Variants in ARB2A observed in about 807,000 individuals in gnomAD.
ARB2A encodes the protein cotranscriptional regulator ARB2A.
the ARB2A span, among the ~76,000 whole-genome samples, chr5:93,624,470 G>A: frequency 5.9e-5 from 9 of 152,108 alleles, no homozygotes; most frequent in Admixed American, 4.6e-4. Context: ...GAATGATTTT[G>A]GTATCATTTA....
chr5:93,952,278 T>C, the ARB2A span, among the ~76,000 whole-genome samples: 9 of 152,232 alleles, frequency 5.9e-5, no homozygotes, highest in African/African-American at 1.7e-4. Flanking sequence ...AGAGCTGTTA[T>C]GAGCAAAAAG....
the ARB2A span, among the ~76,000 whole-genome samples, chr5:94,076,582 A>G: frequency 7.7e-3 from 1,177 of 152,324 alleles, 12 homozygotes; most frequent in South Asian, 0.014. Flanking sequence ...AATTACAATA[A>G]TGTCAAAACA....
chr5:93,732,324 A>G, the ARB2A span, among the ~76,000 whole-genome samples: 1 of 152,232 alleles, frequency 6.6e-6, no homozygotes, highest in Non-Finnish European at 1.5e-5. Flanking sequence ...TTCTTCAAAA[A>G]TGACAAGCAA....
chr5:94,012,738 C>CTGT, the ARB2A span, among the ~76,000 whole-genome samples: 1 of 152,082 alleles, frequency 6.6e-6, no homozygotes, highest in African/African-American at 2.4e-5. Context: ...AATGAAAAGA[C>CTGT]TGTTATCAAG....
chr5:93,942,568 G>A, the ARB2A span, among the ~76,000 whole-genome samples: 12 of 151,646 alleles, frequency 7.9e-5, no homozygotes, highest in African/African-American at 2.7e-4. Context: ...GGAGCTGCTT[G>A]CAGTTTTATA....
chr5:93,697,806 C>A, the ARB2A span, among the ~76,000 whole-genome samples: 1 of 151,980 alleles, frequency 6.6e-6, no homozygotes, highest in Non-Finnish European at 1.5e-5. Flanking sequence ...TAGAATGAAA[C>A]ATATTTTAAT....
chr5:94,058,896 C>T, the ARB2A span, among the ~76,000 whole-genome samples: 1 of 152,078 alleles, frequency 6.6e-6, no homozygotes, highest in Non-Finnish European at 1.5e-5. Flanking sequence ...ATTTCTCACT[C>T]TATGAGTTCC....
At chr5:93,796,690 G>A in the ARB2A span, among the ~76,000 whole-genome samples, 1 of 152,040 alleles carries the variant, frequency 6.6e-6, no homozygotes, top group Non-Finnish European at 1.5e-5. Flanking sequence ...AACTTTTAAG[G>A]GCTGTTTAAA....
At chr5:93,877,866 T>C in the ARB2A span, among the ~76,000 whole-genome samples, 4 of 152,112 alleles carry the variant, frequency 2.6e-5, no homozygotes, top group Admixed American at 2.6e-4. Context: ...ACAAAGTTTG[T>C]ACAGGGTAGA....
chr5:93,793,239 A>AT, the ARB2A span, among the ~76,000 whole-genome samples: 229 of 64,778 alleles, frequency 3.5e-3, 4 homozygotes, highest in African/African-American at 7.3e-3. Flanking sequence ...CTTCTGGCTA[A>AT]TTTTTTTTTT....
At chr5:94,040,078 GA>G in the ARB2A span, among the ~76,000 whole-genome samples, 1 of 152,174 alleles carries the variant, frequency 6.6e-6, no homozygotes, top group Non-Finnish European at 1.5e-5. Context: ...GCCCAAAACT[GA>G]GGAGGGTTAG....
chr5:93,780,747 A>T, the ARB2A span, among the ~76,000 whole-genome samples: 1 of 151,994 alleles, frequency 6.6e-6, no homozygotes, highest in Admixed American at 6.6e-5. Context: ...TTCAGTAGAG[A>T]CGAGGTTTCA....
At chr5:93,938,650 C>T in the ARB2A span, among the ~76,000 whole-genome samples, 1 of 152,256 alleles carries the variant, frequency 6.6e-6, no homozygotes, top group East Asian at 1.9e-4. Flanking sequence ...GTCTGAATTT[C>T]ACCGTACAGT....
At chr5:93,770,385 G>C in the ARB2A span, among the ~76,000 whole-genome samples, 4 of 152,156 alleles carry the variant, frequency 2.6e-5, no homozygotes, top group African/African-American at 7.2e-5. Flanking sequence ...CATTCCCTTT[G>C]AAAACTGGCA....
At chr5:93,935,032 C>T in the ARB2A span, among the ~76,000 whole-genome samples, 2 of 151,892 alleles carry the variant, frequency 1.3e-5, no homozygotes, top group African/African-American at 2.4e-5. Context: ...GCTAGGAGGA[C>T]GCAAAGGCAT....
the ARB2A span, among the ~76,000 whole-genome samples, chr5:93,807,713 T>C: frequency 6.6e-6 from 1 of 151,920 alleles, no homozygotes; most frequent in Admixed American, 6.6e-5. Flanking sequence ...AAAACAAAAA[T>C]AGTACAAGAT....
chr5:93,683,107 T>C, the ARB2A span: 2 of 1,558,944 alleles, frequency 1.3e-6, no homozygotes, highest in South Asian at 1.1e-5. Flanking sequence ...TTGACTTTTG[T>C]GCATTTTTGG....
At chr5:93,849,465 A>G in the ARB2A span, among the ~76,000 whole-genome samples, 1 of 152,144 alleles carries the variant, frequency 6.6e-6, no homozygotes. Flanking sequence ...TTCAGGAAGA[A>G]TACACACACA....
chr5:93,669,258 A>C, the ARB2A span, among the ~76,000 whole-genome samples: 12 of 152,324 alleles, frequency 7.9e-5, no homozygotes, highest in Admixed American at 2.0e-4. Context: ...AAGCACACAC[A>C]AAGTACCTTT....
Sources: allele counts gnomAD v4.1 joint callset (sites outside exome capture counted in the v4.1 genomes callset), GRCh38; gene constraint gnomAD v4.1.1; transcripts MANE v1.5; gene names NCBI Gene and HGNC (gene_info 2026-07-23, HGNC 2026-07-21).